Variants in PTPRA observed in about 807,000 individuals in gnomAD.
The protein encoded by PTPRA is protein tyrosine phosphatase receptor type A, also known as receptor-type tyrosine-protein phosphatase alpha.
A neutral mutation model predicts 104.8 loss-of-function variants in PTPRA; 25 were observed. The observed-to-expected ratio is 0.24, with a 90% confidence interval of 0.17 to 0.33. The LOEUF (loss-of-function observed/expected upper bound fraction) is 0.33. PTPRA is among the 10% of genes least tolerant of loss of function. The probability of loss-of-function intolerance (pLI) is 1.00; values close to 1 mark genes in which losing one functional copy is unlikely to be tolerated. For synonymous variants in PTPRA, 323 were observed against 368.9 expected (o/e 0.88, Z 1.43); for missense variants, 765 against 1,015.3 (o/e 0.75, Z 3.35).
At chr20:2,909,843 TATAAG>T (rs1026049411) in intron 1 of PTPRA, among the ~76,000 whole-genome samples, 9 of 125,072 alleles carry the variant, frequency 7.2e-5, no homozygotes, top group Admixed American at 1.9e-4. Flanking sequence ...ATATATATAA[TATAAG>T]ATAATATATA....
chr20:3,038,193 T>C lies in PTPRA; in HGVS notation c.*60T>C, dbSNP rs145005594. 2.6e-4 allele frequency: 382 copies of C among 1,473,966 alleles called. 3 individuals carry two copies. In the East Asian group the frequency reaches 8.4e-3, roughly 33 times the overall value. The allele number at this position is 1,473,966 out of a possible 1,614,324, so 91.3% of individuals were successfully genotyped here. ...CTTTAATATTTTGTAATATTCTGTT[T>C]TGTTAATATACCCCAAATTGTGTAT... On this transcript the variant is annotated 3_prime_UTR_variant, in exon 24 of 24. Transcript: ENST00000399903.
intron 9 of PTPRA, among the ~76,000 whole-genome samples, chr20:3,001,819 C>A (rs2063640624): frequency 6.6e-6 from 1 of 152,138 alleles, no homozygotes; most frequent in African/African-American, 2.4e-5. Flanking sequence ...TAGGTGAGGG[C>A]AGATGGATTT....
At chr20:2,954,949 G>T (rs1288643787) in intron 3 of PTPRA, among the ~76,000 whole-genome samples, 1 of 152,176 alleles carries the variant, frequency 6.6e-6, no homozygotes, top group Non-Finnish European at 1.5e-5. Context: ...TGATGAAAAG[G>T]CTGTCCATTG....
At chr20:3,027,903 A>C in intron 20 of PTPRA, 62 bp downstream of exon 20, 1 of 1,597,544 alleles carries the variant, frequency 6.3e-7, no homozygotes, top group East Asian at 2.2e-5. Flanking sequence ...GTGTGTGTAA[A>C]TGGGGACGTT....
intron 3 of PTPRA, among the ~76,000 whole-genome samples, chr20:2,955,918 C>A (rs1489807672): frequency 6.6e-6 from 1 of 152,138 alleles, no homozygotes; most frequent in African/African-American, 2.4e-5. Context: ...ACAACATCTA[C>A]TCTAATACCA....
chr20:2,997,067 T>TA (rs2063426834), intron 9 of PTPRA, among the ~76,000 whole-genome samples: 1 of 152,214 alleles, frequency 6.6e-6, no homozygotes, highest in Admixed American at 6.5e-5. Context: ...TCCATTATGA[T>TA]ATTCTATACT....
intron 1 of PTPRA, among the ~76,000 whole-genome samples, chr20:2,910,021 CTATCATATATCATATCATATATA>C (rs2059601440): frequency 2.6e-5 from 2 of 76,372 alleles, no homozygotes; most frequent in African/African-American, 1.2e-4. Context: ...CATATATAAT[CTATCATATATCATATCATATATA>C]ATATATATCA....
At chr20:2,980,744 C>G (rs566277239) in intron 6 of PTPRA, among the ~76,000 whole-genome samples, 2 of 152,176 alleles carry the variant, frequency 1.3e-5, no homozygotes, top group Admixed American at 1.3e-4. Flanking sequence ...TCCTGTTGCA[C>G]AAATTGCAGT....
At chr20:2,870,638 A>T (rs2089416826), upstream of PTPRA, among the ~76,000 whole-genome samples, 1 of 152,200 alleles carries the variant, frequency 6.6e-6, no homozygotes, top group Non-Finnish European at 1.5e-5. Context: ...AGAATGACTC[A>T]TTGTTCCATT....
intron 1 of PTPRA, among the ~76,000 whole-genome samples, chr20:2,892,692 A>G (rs2058847321): frequency 6.6e-6 from 1 of 152,210 alleles, no homozygotes; most frequent in African/African-American, 2.4e-5. Flanking sequence ...CGGTAGGTAA[A>G]GTGTGTTAAA....
intron 2 of PTPRA, among the ~76,000 whole-genome samples, chr20:2,927,892 C>T (rs897024112): frequency 1.3e-4 from 19 of 151,952 alleles, no homozygotes; most frequent in African/African-American, 4.6e-4. Flanking sequence ...TGCCTGTAAT[C>T]CTAGCTAGTC....
At chr20:2,872,707 A>G (rs1012931943), upstream of PTPRA, among the ~76,000 whole-genome samples, 1 of 152,226 alleles carries the variant, frequency 6.6e-6, no homozygotes, top group Non-Finnish European at 1.5e-5. This position sits in a 1 kb window ranked among gnomAD's most constrained non-coding sequence, Gnocchi z 7.9. Context: ...GGTGTCACGC[A>G]CCAGACGCCG....
chr20:2,967,572 T>A (rs2061991231), intron 5 of PTPRA, among the ~76,000 whole-genome samples: 1 of 152,180 alleles, frequency 6.6e-6, no homozygotes, highest in Non-Finnish European at 1.5e-5. Context: ...AGTTTTCTAT[T>A]TAGTCAGGCC....
At chr20:2,877,541 G>A (rs1469144743) in intron 1 of PTPRA, among the ~76,000 whole-genome samples, 2 of 152,220 alleles carry the variant, frequency 1.3e-5, no homozygotes, top group African/African-American at 2.4e-5. Context: ...TTACAAGCAT[G>A]AGCCACCGTG....
In PTPRA at chr20:2,965,074, C is replaced by A. The variant is rs774311246; in HGVS notation, c.287C>A (p.Ser96Tyr). ...NGTTRTASTN[S>Y]IGITISPNGT... ...ACCACAAGAACAGCAAGCACCAATT[C>A]TATAGGCATTACAATTTCACCAAAT... The change falls in exon 5 of 24, where the codon TCT becomes TAT. Residue 96 changes from serine to tyrosine, a missense_variant. Ser to Tyr is a moderately radical substitution (Grantham distance 144). Around this residue, in one of 4 missense-constraint regions of PTPRA, gnomAD observed 256 missense variants for 248.9 expected, o/e 1.03. Coordinates refer to ENST00000399903, the MANE Select transcript of PTPRA (RefSeq NM_001385305.1). 1.9e-6 allele frequency: 3 copies of A among 1,614,002 alleles called. No individual in the cohort carries two copies. The highest frequency in any genetic ancestry group is 1.6e-4 in the Middle Eastern group (1 of 6,062).
chr20:2,884,332 A>G (rs1199487415), intron 1 of PTPRA, among the ~76,000 whole-genome samples: 1 of 152,132 alleles, frequency 6.6e-6, no homozygotes, highest in African/African-American at 2.4e-5. Flanking sequence ...TAAAGTGACT[A>G]CCCATTCCCA....
intron 1 of PTPRA, among the ~76,000 whole-genome samples, chr20:2,917,031 C>G (rs1169479433): frequency 6.8e-6 from 1 of 146,782 alleles, no homozygotes; most frequent in African/African-American, 2.5e-5. Flanking sequence ...GGTCTTGGCT[C>G]ACTGCAACCT....
intron 2 of PTPRA, among the ~76,000 whole-genome samples, chr20:2,925,827 A>G (rs2060273018): frequency 6.6e-6 from 1 of 152,114 alleles, no homozygotes; most frequent in South Asian, 2.1e-4. Context: ...GAAAAAACAA[A>G]AACAAAAACA....
intron 11 of PTPRA, among the ~76,000 whole-genome samples, chr20:3,012,101 A>C (rs2064199167): frequency 6.6e-6 from 1 of 152,216 alleles, no homozygotes; most frequent in South Asian, 2.1e-4. Flanking sequence ...AGAAGGGAGC[A>C]GGAGTGGGTA....
Sources: gnomAD v4.1 joint callset for allele counts (sites outside exome capture counted in the v4.1 genomes callset) on GRCh38, gnomAD v4.1.1 for gene constraint, gnomAD v4.1.1 regional missense constraint, Gnocchi (gnomAD v3.1) non-coding constraint, MANE v1.5 for transcripts, NCBI Gene and HGNC (gene_info 2026-07-23, HGNC 2026-07-21) for gene names.